GSE1: variants seen among roughly 807,000 people sequenced by gnomAD.
GSE1 encodes genetic suppressor element 1.
Under a neutral mutation model 112.6 loss-of-function variants are expected in GSE1, and 32 were observed. The ratio of observed to expected loss-of-function variants is 0.28; its 90% CI spans 0.21 to 0.38. The LOEUF (loss-of-function observed/expected upper bound fraction) is 0.38, where lower values mean the gene tolerates loss of function less well. Among genes scored for constraint, GSE1 ranks in the 10% least tolerant of loss-of-function variants. The pLI, the probability that GSE1 is intolerant of heterozygous loss-of-function variation, is 1.00. For missense variants in GSE1, 2,348 were observed against 1,699.2 expected, an observed-to-expected ratio of 1.38 and a Z score of -6.71; for synonymous variants, 1,115 against 735.6, an observed-to-expected ratio of 1.52 and a Z score of -8.35.
At chr16:85,331,543 G>GTGTGTATATATGTGTATATATGTGTATA (rs759888304) in intron 1 of GSE1, among the ~76,000 whole-genome samples, 1 of 126,276 alleles carries the variant, frequency 7.9e-6, no homozygotes, top group African/African-American at 2.8e-5. Flanking sequence ...ATGTGTATAT[G>GTGTGTATATATGTGTATATATGTGTATA]TGTGTATATA....
At chr16:85,317,679 A>G (rs1283763715) in intron 1 of GSE1, among the ~76,000 whole-genome samples, 1 of 152,100 alleles carries the variant, frequency 6.6e-6, no homozygotes, top group Admixed American at 6.5e-5. Context: ...GGCCCCTGGC[A>G]AGATTGAGCC....
chr16:85,173,997 C>G (rs2074411421), intron 1 of GSE1, among the ~76,000 whole-genome samples: 1 of 152,162 alleles, frequency 6.6e-6, no homozygotes, highest in African/African-American at 2.4e-5. Flanking sequence ...TCAGACGACA[C>G]AAAGCCAGTG....
At chr16:85,387,679 A>T (rs2047718166) in intron 2 of GSE1, among the ~76,000 whole-genome samples, 1 of 152,158 alleles carries the variant, frequency 6.6e-6, no homozygotes, top group Admixed American at 6.5e-5. Context: ...TCTTTTAAAC[A>T]TCTCTCTCCC....
chr16:85,289,397 A>T (rs1470600335), intron 1 of GSE1, among the ~76,000 whole-genome samples: 1 of 152,026 alleles, frequency 6.6e-6, no homozygotes, highest in Non-Finnish European at 1.5e-5. Context: ...CCTGCCCCTG[A>T]CACACTCGTG....
chr16:85,265,731 T>TG (rs939209221), intron 1 of GSE1, among the ~76,000 whole-genome samples: 1 of 151,980 alleles, frequency 6.6e-6, no homozygotes, highest in East Asian at 1.9e-4. Flanking sequence ...ATCAGGCCAT[T>TG]GGGGGGCTCT....
At chr16:85,599,784 C>G (rs2047383272) in intron 1 of GSE1, among the ~76,000 whole-genome samples, 2 of 152,170 alleles carry the variant, frequency 1.3e-5, no homozygotes, top group Admixed American at 1.3e-4. Flanking sequence ...CGTGTCGCCC[C>G]AGCTACTTGA....
chr16:85,652,417 C>T (rs1044899496), intron 3 of GSE1, among the ~76,000 whole-genome samples: 4 of 152,226 alleles, frequency 2.6e-5, no homozygotes, highest in African/African-American at 9.6e-5. Context: ...TGTGTACCTC[C>T]CACCCTCGAG....
rs762620988 is a variant in GSE1 at position 85,673,299 on chromosome 16, G to C, written c.*760G>C. On this transcript the variant is annotated 3_prime_UTR_variant, in exon 16 of 16. Transcript: ENST00000253458. ...TACAGACGTAAATTTTGAGAGAAAA[G>C]TCAAAGGTGCTTCAGCCTTGTACTG... is the stretch of plus-strand genomic sequence containing the variant. 6.6e-6 allele frequency: 1 copy of C among 152,324 alleles called. No homozygotes were observed. The highest frequency in any genetic ancestry group is 1.5e-5 in the Non-Finnish European group (1 of 67,994). The allele number at this position is 152,324 out of a possible 1,614,324, so 9.4% of individuals were successfully genotyped here.
At chr16:85,564,266 A>T (rs2045644899) in intron 1 of GSE1, among the ~76,000 whole-genome samples, 1 of 152,156 alleles carries the variant, frequency 6.6e-6, no homozygotes, top group South Asian at 2.1e-4. Context: ...AAGGAGGCTA[A>T]CACAGTGAGG....
chr16:85,389,908 A>G (rs772911863), intron 2 of GSE1, among the ~76,000 whole-genome samples: 1 of 152,198 alleles, frequency 6.6e-6, no homozygotes, highest in Non-Finnish European at 1.5e-5. Context: ...GATCTGGGCA[A>G]TGAGGCCTTA....
chr16:85,665,356 G>A (rs1164863854), intron 12 of GSE1, among the ~76,000 whole-genome samples: 1 of 152,232 alleles, frequency 6.6e-6, no homozygotes, highest in South Asian at 2.1e-4. Flanking sequence ...GGCTTCTGTG[G>A]AGCTCTACGT....
At chr16:85,655,958 G>A in intron 6 of GSE1, 41 bp downstream of exon 6, 3 of 1,498,110 alleles carry the variant, frequency 2.0e-6, no homozygotes, top group Non-Finnish European at 1.8e-6. Flanking sequence ...TGCCCTCCCT[G>A]TCCCTTGATG....
At chr16:85,580,964 G>A (rs952924244) in intron 1 of GSE1, among the ~76,000 whole-genome samples, 1 of 152,380 alleles carries the variant, frequency 6.6e-6, no homozygotes, top group African/African-American at 2.4e-5. Context: ...GGGGTGTTTT[G>A]TTTGGTAGCC....
chr16:85,313,290 C>T (rs1442128067), intron 1 of GSE1, among the ~76,000 whole-genome samples: 1 of 152,138 alleles, frequency 6.6e-6, no homozygotes, highest in Non-Finnish European at 1.5e-5. Flanking sequence ...GGGCAGACCC[C>T]CTTGTCCTGC....
intron 2 of GSE1, among the ~76,000 whole-genome samples, chr16:85,441,824 T>C (rs947759286): frequency 7.2e-5 from 11 of 152,138 alleles, no homozygotes; most frequent in African/African-American, 2.4e-4. Flanking sequence ...ACCCCTGCAA[T>C]GCTTTCTCCT....
chr16:85,237,951 A>G (rs1371687551), intron 1 of GSE1, among the ~76,000 whole-genome samples: 1 of 152,150 alleles, frequency 6.6e-6, no homozygotes, highest in East Asian at 1.9e-4. Flanking sequence ...GGGACATCGT[A>G]GGAGTTTGCT....
At chr16:85,428,740 A>G (rs1567479246) in intron 2 of GSE1, among the ~76,000 whole-genome samples, 1 of 152,080 alleles carries the variant, frequency 6.6e-6, no homozygotes, top group African/African-American at 2.4e-5. Context: ...TCCTGTTTGA[A>G]TTCACCTCCC....
At chr16:85,374,864 C>T (rs539907763) in intron 2 of GSE1, among the ~76,000 whole-genome samples, 4 of 152,264 alleles carry the variant, frequency 2.6e-5, no homozygotes, top group East Asian at 1.9e-4. Flanking sequence ...AAATGAGGGA[C>T]GAAGACAGTC....
At chr16:85,249,445 G>A (rs866437342) in intron 1 of GSE1, among the ~76,000 whole-genome samples, 3 of 152,240 alleles carry the variant, frequency 2.0e-5, no homozygotes, top group Middle Eastern at 3.2e-3. Context: ...TGAGGCTGCC[G>A]TCAGCCCGTT....
Sources: gnomAD v4.1 joint callset for allele counts (sites outside exome capture counted in the v4.1 genomes callset) on GRCh38, gnomAD v4.1.1 for gene constraint, MANE v1.5 for transcripts, NCBI Gene and HGNC (gene_info 2026-07-23, HGNC 2026-07-21) for gene names.